The following PCNX1 variants were observed in gnomAD, a reference collection of about 807,000 sequenced individuals.
The protein encoded by PCNX1 is pecanex 1.
A neutral mutation model predicts 242.2 loss-of-function variants in PCNX1; 78 were observed. The ratio of observed to expected loss-of-function variants is 0.32; its 90% CI spans 0.27 to 0.39. PCNX1 has a LOEUF of 0.39. PCNX1 is among the 10% of genes least tolerant of loss of function. PCNX1 has a pLI of 1.00. For synonymous variants in PCNX1, 1,024 were observed against 1,032.9 expected (o/e 0.99, Z 0.17); for missense variants, 2,581 against 2,856.5 (o/e 0.90, Z 2.20).
intron 2 of PCNX1, among the ~76,000 whole-genome samples, chr14:70,953,337 T>TAGA (rs2057862194): frequency 1.3e-5 from 2 of 152,150 alleles, no homozygotes; most frequent in Non-Finnish European, 2.9e-5. Context: ...TCAGTTAAGC[T>TAGA]TTCTGATTAC....
intron 10 of PCNX1, chr14:71,011,814 G>T: frequency 2.7e-6 from 1 of 376,308 alleles, no homozygotes; most frequent in Non-Finnish European, 4.8e-6. Flanking sequence ...CTTAGAGATA[G>T]AAATGGCTGT....
At chr14:70,983,287 T>C (rs1281437976) in intron 6 of PCNX1, among the ~76,000 whole-genome samples, 1 of 152,152 alleles carries the variant, frequency 6.6e-6, no homozygotes, top group Non-Finnish European at 1.5e-5. Flanking sequence ...AAATTATCTT[T>C]AACGCAAAGC....
intron 2 of PCNX1, among the ~76,000 whole-genome samples, chr14:70,950,904 A>C (rs965762988): frequency 6.6e-6 from 1 of 151,844 alleles, no homozygotes; most frequent in Admixed American, 6.6e-5. Flanking sequence ...TTTATTTGTC[A>C]GTGTCTTTAT....
chr14:70,913,349 G>A (rs987633255), intron 1 of PCNX1, among the ~76,000 whole-genome samples: 2 of 152,152 alleles, frequency 1.3e-5, no homozygotes, highest in African/African-American at 2.4e-5. Context: ...TTAGGGGTTA[G>A]GTTCGGTGTC....
In PCNX1 at chr14:70,962,409, C is replaced by A; in HGVS notation, c.468+78C>A. The A allele has an allele frequency of 4.0e-6, 3 of 741,062 alleles. No individual in the cohort carries two copies. The South Asian group carries it at 4.8e-5, about 12-fold the overall frequency. 45.9% of individuals were successfully genotyped at this position (741,062 alleles called of 1,614,324 possible). ...CTCCGTTATTCTCGTGTCTTTAAGT[C>A]GGCTGATGTTTTGTCATATCTTTCT... is the stretch of plus-strand genomic sequence containing the variant. On this transcript the variant is annotated intron_variant, in intron 3 of 35. Transcript: ENST00000304743.
At chr14:71,036,629 A>G (rs1028290143) in intron 19 of PCNX1, among the ~76,000 whole-genome samples, 4 of 152,224 alleles carry the variant, frequency 2.6e-5, no homozygotes, top group South Asian at 2.1e-4. Context: ...TTGTCTATCT[A>G]TGTAAGTACA....
chr14:71,042,258 G>C (rs929309739), intron 19 of PCNX1, among the ~76,000 whole-genome samples: 3 of 152,118 alleles, frequency 2.0e-5, no homozygotes, highest in African/African-American at 7.2e-5. Context: ...GTACAATGTT[G>C]AAATCGAGGT....
chr14:70,994,398 T>TAGATAGATAGATAGATAG (rs1020077571), intron 7 of PCNX1, among the ~76,000 whole-genome samples: 23 of 26,018 alleles, frequency 8.8e-4, no homozygotes, highest in African/African-American at 3.2e-3. Context: ...AGGCTTAAGA[T>TAGATAGATAGATAGATAG]ATATATATAT....
chr14:70,978,887 A>G (rs541078546), intron 6 of PCNX1, among the ~76,000 whole-genome samples: 6 of 151,298 alleles, frequency 4.0e-5, no homozygotes, highest in Non-Finnish European at 8.9e-5. Context: ...GATGGTGTCA[A>G]GAACACCAGT....
At chr14:70,948,995 G>A (rs2057602841) in intron 2 of PCNX1, among the ~76,000 whole-genome samples, 1 of 144,414 alleles carries the variant, frequency 6.9e-6, no homozygotes, top group Non-Finnish European at 1.5e-5. Flanking sequence ...ATAAATCTCA[G>A]CATTTTTATT....
chr14:70,987,509 C>T (rs796773957), intron 6 of PCNX1, among the ~76,000 whole-genome samples: 45 of 152,266 alleles, frequency 3.0e-4, no homozygotes, highest in African/African-American at 9.9e-4. Flanking sequence ...TTTTACCCCA[C>T]AAGTAAAGGA....
intron 1 of PCNX1, among the ~76,000 whole-genome samples, chr14:70,937,934 C>T (rs894878770): frequency 1.9e-4 from 29 of 151,338 alleles, no homozygotes; most frequent in African/African-American, 6.8e-4. Flanking sequence ...GGCTCTCTGT[C>T]TGTTATTGGT....
intron 30 of PCNX1, among the ~76,000 whole-genome samples, chr14:71,090,561 A>G (rs1447358219): frequency 2.6e-5 from 4 of 152,186 alleles, no homozygotes; most frequent in Non-Finnish European, 4.4e-5. Flanking sequence ...TGCCCTGGGG[A>G]AATATTAATT....
intron 1 of PCNX1, among the ~76,000 whole-genome samples, chr14:70,942,489 T>C (rs1033375570): frequency 6.6e-6 from 1 of 151,726 alleles, no homozygotes; most frequent in Non-Finnish European, 1.5e-5. Flanking sequence ...TGTGTGGGGG[T>C]GTCCCCACAC....
At chr14:70,952,030 T>G (rs1212090737) in intron 2 of PCNX1, among the ~76,000 whole-genome samples, 1 of 152,216 alleles carries the variant, frequency 6.6e-6, no homozygotes, top group Non-Finnish European at 1.5e-5. Flanking sequence ...GGCTTCTTAA[T>G]TGTAAGACAT....
At chr14:71,022,936 G>T (rs2060143945) in intron 12 of PCNX1, among the ~76,000 whole-genome samples, 1 of 151,930 alleles carries the variant, frequency 6.6e-6, no homozygotes, top group African/African-American at 2.4e-5. Flanking sequence ...ATATGCTATT[G>T]CAGAAACTTT....
intron 5 of PCNX1, among the ~76,000 whole-genome samples, chr14:70,973,604 G>A (rs930946118): frequency 6.6e-6 from 1 of 151,978 alleles, no homozygotes; most frequent in African/African-American, 2.4e-5. Flanking sequence ...TTGTAAAGGT[G>A]ATAGCAAGCA....
intron 1 of PCNX1, among the ~76,000 whole-genome samples, chr14:70,930,244 C>G (rs932790695): frequency 3.3e-5 from 5 of 152,120 alleles, no homozygotes; most frequent in Admixed American, 3.3e-4. Flanking sequence ...CTTTTGGGCT[C>G]AAGCAGTCCT....
intron 3 of PCNX1, among the ~76,000 whole-genome samples, chr14:70,964,490 C>A (rs1283640065): frequency 6.6e-6 from 1 of 152,154 alleles, no homozygotes; most frequent in African/African-American, 2.4e-5. Flanking sequence ...TGAAATAACT[C>A]AATTCTTGAA....
Sources: gnomAD v4.1 joint callset for allele counts (sites outside exome capture counted in the v4.1 genomes callset) on GRCh38, gnomAD v4.1.1 for gene constraint, MANE v1.5 for transcripts, NCBI Gene and HGNC (gene_info 2026-07-23, HGNC 2026-07-21) for gene names.